The following KCNH8 variants were observed in gnomAD, a reference collection of about 807,000 sequenced individuals.
KCNH8 encodes voltage-gated delayed rectifier potassium channel KCNH8.
KCNH8 carries 70 observed loss-of-function variants against 103.6 expected under a neutral mutation model. The ratio of observed to expected loss-of-function variants is 0.68; its 90% CI spans 0.56 to 0.82. KCNH8 has a LOEUF of 0.82. Ranked by LOEUF, KCNH8 falls within the 40% of genes least tolerant of loss-of-function variation. KCNH8 has a pLI of 0.00. For missense variants in KCNH8, 1,217 were observed against 1,329.9 expected, an observed-to-expected ratio of 0.92 and a Z score of 1.32; for synonymous variants, 498 against 489.4, an observed-to-expected ratio of 1.02 and a Z score of -0.23.
At chr3:19,434,568 A>G (rs2067169690) in intron 7 of KCNH8, among the ~76,000 whole-genome samples, 1 of 152,188 alleles carries the variant, frequency 6.6e-6, no homozygotes, top group African/African-American at 2.4e-5. Flanking sequence ...TGCCTCTCCC[A>G]GCAAACTGCT....
chr3:19,371,062 A>G (rs1364315999), intron 5 of KCNH8, among the ~76,000 whole-genome samples: 1 of 152,092 alleles, frequency 6.6e-6, no homozygotes, highest in Non-Finnish European at 1.5e-5. Context: ...TAATGCCGCA[A>G]TAAACATACG....
At chr3:19,168,500 C>A (rs1303121544) in intron 1 of KCNH8, among the ~76,000 whole-genome samples, 1 of 152,162 alleles carries the variant, frequency 6.6e-6, no homozygotes, top group Non-Finnish European at 1.5e-5. Flanking sequence ...TCATATTCTA[C>A]CCATTCATTT....
At chr3:19,281,945 A>G (rs1351400784) in intron 3 of KCNH8, among the ~76,000 whole-genome samples, 1 of 152,102 alleles carries the variant, frequency 6.6e-6, no homozygotes, top group African/African-American at 2.4e-5. Context: ...AATTCTTTGC[A>G]TTTTGTATAA....
intron 8 of KCNH8, among the ~76,000 whole-genome samples, chr3:19,442,746 G>A (rs2067301775): frequency 6.6e-6 from 1 of 152,070 alleles, no homozygotes; most frequent in South Asian, 2.1e-4. Context: ...TGTTTGTGGG[G>A]AAATAATTTT....
intron 1 of KCNH8, among the ~76,000 whole-genome samples, chr3:19,172,625 C>T (rs1275239681): frequency 6.6e-6 from 1 of 152,154 alleles, no homozygotes; most frequent in Non-Finnish European, 1.5e-5. Flanking sequence ...AAGTTTTATA[C>T]ATAACCTCAT....
intron 11 of KCNH8, among the ~76,000 whole-genome samples, chr3:19,509,945 C>A (rs1219368319): frequency 6.7e-6 from 1 of 149,704 alleles, no homozygotes; most frequent in East Asian, 2.0e-4. Flanking sequence ...AAAGAAAAAT[C>A]GAGGAAGATG....
intron 1 of KCNH8, among the ~76,000 whole-genome samples, chr3:19,193,669 A>C (rs1213575856): frequency 6.6e-6 from 1 of 151,754 alleles, no homozygotes; most frequent in Non-Finnish European, 1.5e-5. Context: ...AAATGCTATA[A>C]AATTAGGCTT....
At chr3:19,447,239 A>G (rs1342659743) in intron 8 of KCNH8, among the ~76,000 whole-genome samples, 1 of 152,044 alleles carries the variant, frequency 6.6e-6, no homozygotes, top group African/African-American at 2.4e-5. Context: ...TTGGAAAATG[A>G]AAGGCTATGA....
intron 2 of KCNH8, among the ~76,000 whole-genome samples, chr3:19,270,832 T>C (rs576745963): frequency 3.9e-5 from 6 of 152,256 alleles, no homozygotes. Flanking sequence ...AGAATTGTCA[T>C]GAGATCCTTA....
At chr3:19,369,867 A>G (rs2066063695) in intron 5 of KCNH8, among the ~76,000 whole-genome samples, 1 of 151,902 alleles carries the variant, frequency 6.6e-6, no homozygotes, top group Non-Finnish European at 1.5e-5. Flanking sequence ...CTGCTTCTTT[A>G]GTTTTGGTCA....
chr3:19,382,333 A>T (rs752937860), intron 5 of KCNH8, among the ~76,000 whole-genome samples: 19 of 152,180 alleles, frequency 1.2e-4, no homozygotes, highest in Non-Finnish European at 2.5e-4. Flanking sequence ...TAGCTCTTCC[A>T]CTGCCTAGTT....
Position 19,148,591 on chromosome 3 carries a change from G to C in KCNH8, c.-129G>C, listed in dbSNP as rs2063098097. 2.3e-6 allele frequency: 2 copies of C among 852,218 alleles called. No homozygotes were observed. Among genetic ancestry groups the C allele is most frequent in the South Asian group, 2.8e-5 (2 of 71,146 alleles). The allele number at this position is 852,218 out of a possible 1,614,324, so 52.8% of individuals were successfully genotyped here. On this transcript the variant is annotated 5_prime_UTR_variant, in exon 1 of 16. Transcript: ENST00000328405. The stretch of plus-strand genomic sequence containing the variant: ...CTCCATCCTTCCACTTCCCCTGCTC[G>C]GCCCCGCCGTCAGGCCGGGTCCCCC...
chr3:19,208,991 T>C (rs1288507774), intron 1 of KCNH8, among the ~76,000 whole-genome samples: 1 of 151,986 alleles, frequency 6.6e-6, no homozygotes, highest in Non-Finnish European at 1.5e-5. Context: ...TATATGTATA[T>C]CTATATCTAT....
intron 14 of KCNH8, among the ~76,000 whole-genome samples, chr3:19,516,487 T>G (rs546466663): frequency 1.3e-5 from 2 of 152,084 alleles, no homozygotes; most frequent in Non-Finnish European, 2.9e-5. Context: ...ATTACTGTGC[T>G]TGGACCAAGG....
At chr3:19,323,995 G>A (rs1052762655) in intron 3 of KCNH8, among the ~76,000 whole-genome samples, 5 of 152,184 alleles carry the variant, frequency 3.3e-5, no homozygotes, top group African/African-American at 1.2e-4. Flanking sequence ...CAGCCAGGTG[G>A]TGGCATTTTC....
intron 2 of KCNH8, among the ~76,000 whole-genome samples, chr3:19,262,570 C>A (rs1206727829): frequency 6.6e-6 from 1 of 151,988 alleles, no homozygotes. Context: ...GGGCTCATAG[C>A]ATTGCATATG....
At chr3:19,452,205 C>T (rs2067459127) in intron 10 of KCNH8, among the ~76,000 whole-genome samples, 1 of 151,958 alleles carries the variant, frequency 6.6e-6, no homozygotes, top group South Asian at 2.1e-4. Flanking sequence ...GCAACATGGA[C>T]AGACCCTGTC....
intron 1 of KCNH8, among the ~76,000 whole-genome samples, chr3:19,250,267 A>C (rs1473193723): frequency 6.6e-6 from 1 of 152,154 alleles, no homozygotes; most frequent in Non-Finnish European, 1.5e-5. Context: ...AAAAAAATAG[A>C]AAAGACAAAA....
At chr3:19,200,678 A>G (rs1316938611) in intron 1 of KCNH8, among the ~76,000 whole-genome samples, 1 of 152,202 alleles carries the variant, frequency 6.6e-6, no homozygotes, top group East Asian at 1.9e-4. Context: ...ATGTCTTCCT[A>G]TGGTATATAC....
Sources: gnomAD v4.1 joint callset for allele counts (sites outside exome capture counted in the v4.1 genomes callset) on GRCh38, gnomAD v4.1.1 for gene constraint, MANE v1.5 for transcripts, NCBI Gene and HGNC (gene_info 2026-07-23, HGNC 2026-07-21) for gene names.